FBXL7: variants seen among roughly 807,000 people sequenced by gnomAD.
The protein encoded by FBXL7 is F-box and leucine rich repeat protein 7, also known as F-box/LRR-repeat protein 7.
Under a neutral mutation model 38.3 loss-of-function variants are expected in FBXL7, and 12 were observed. The ratio of observed to expected loss-of-function variants is 0.31; its 90% confidence interval spans 0.20 to 0.51. FBXL7 has a LOEUF of 0.51. Among genes scored for constraint, FBXL7 ranks in the 20% least tolerant of loss-of-function variants. The pLI is 0.98. For synonymous variants in FBXL7, 297 were observed against 300.9 expected (o/e 0.99, Z 0.13); for missense variants, 567 against 676.4 (o/e 0.84, Z 1.79).
At chr5:15,828,499 T>C (rs1265436816) in intron 2 of FBXL7, among the ~76,000 whole-genome samples, 1 of 152,232 alleles carries the variant, frequency 6.6e-6, no homozygotes, top group Non-Finnish European at 1.5e-5. Context: ...AATATAGCTT[T>C]TAAAGGGTTG....
chr5:15,610,246 C>A (rs191340598), intron 1 of FBXL7, among the ~76,000 whole-genome samples: 48 of 152,230 alleles, frequency 3.2e-4, no homozygotes, highest in Admixed American at 2.0e-3. Context: ...AACACACCCT[C>A]TTTTTTCTCA....
chr5:15,835,619 T>C (rs554435301), intron 2 of FBXL7, among the ~76,000 whole-genome samples: 1 of 152,182 alleles, frequency 6.6e-6, no homozygotes, highest in East Asian at 1.9e-4. Flanking sequence ...GCCTGGAGAA[T>C]GTAAGTGACT....
intron 2 of FBXL7, among the ~76,000 whole-genome samples, chr5:15,882,171 C>T (rs576871500): frequency 6.6e-6 from 1 of 152,202 alleles, no homozygotes; most frequent in Non-Finnish European, 1.5e-5. Context: ...AACCAGGCCC[C>T]ACCTCCAACA....
chr5:15,620,130 A>G (rs1740579176), intron 2 of FBXL7, among the ~76,000 whole-genome samples: 1 of 152,164 alleles, frequency 6.6e-6, no homozygotes, highest in Admixed American at 6.5e-5. Flanking sequence ...ATTTAGTAAA[A>G]AGCATTGAAT....
chr5:15,523,968 G>A (rs1737179291), intron 1 of FBXL7, among the ~76,000 whole-genome samples: 1 of 152,200 alleles, frequency 6.6e-6, no homozygotes, highest in Admixed American at 6.5e-5. Flanking sequence ...TGCATATAGA[G>A]ATGTGATCTT....
chr5:15,840,331 A>G (rs1738708430), intron 2 of FBXL7, among the ~76,000 whole-genome samples: 2 of 152,200 alleles, frequency 1.3e-5, no homozygotes, highest in Admixed American at 6.5e-5. Context: ...GTAGTAAGTT[A>G]TGACACCTGT....
intron 2 of FBXL7, among the ~76,000 whole-genome samples, chr5:15,765,793 C>T (rs780327520): frequency 2.0e-5 from 3 of 152,072 alleles, no homozygotes; most frequent in Non-Finnish European, 2.9e-5. Flanking sequence ...GGATCACCTT[C>T]GGGTATCTCA....
chr5:15,548,423 A>T (rs1459053304), intron 1 of FBXL7, among the ~76,000 whole-genome samples: 1 of 152,224 alleles, frequency 6.6e-6, no homozygotes, highest in Non-Finnish European at 1.5e-5. Flanking sequence ...ACATTCATCA[A>T]ACACTTCATA....
At chr5:15,763,895 G>C (rs527974315) in intron 2 of FBXL7, among the ~76,000 whole-genome samples, 1 of 152,308 alleles carries the variant, frequency 6.6e-6, no homozygotes, top group East Asian at 1.9e-4. Context: ...AAGCTGCAGA[G>C]CCAGGAGCAC....
At chr5:15,603,579 T>C (rs1561046859) in intron 1 of FBXL7, among the ~76,000 whole-genome samples, 1 of 152,244 alleles carries the variant, frequency 6.6e-6, no homozygotes. Context: ...AATGAGGTCA[T>C]GGCTTATAGC....
At chr5:15,800,933 G>T (rs1446581314) in intron 2 of FBXL7, among the ~76,000 whole-genome samples, 1 of 152,172 alleles carries the variant, frequency 6.6e-6, no homozygotes, top group Non-Finnish European at 1.5e-5. Flanking sequence ...AGTTCTGCTT[G>T]TATTACACAC....
At chr5:15,688,995 G>C (rs1743099056) in intron 2 of FBXL7, among the ~76,000 whole-genome samples, 2 of 151,450 alleles carry the variant, frequency 1.3e-5, no homozygotes, top group African/African-American at 2.4e-5. Flanking sequence ...AACTACCAAA[G>C]ACAGAGCCAG....
intron 2 of FBXL7, among the ~76,000 whole-genome samples, chr5:15,843,843 T>C (rs984699001): frequency 6.6e-5 from 10 of 151,524 alleles, no homozygotes; most frequent in Admixed American, 5.9e-4. Flanking sequence ...AATATGTGTA[T>C]TAAGCTATAC....
intron 2 of FBXL7, among the ~76,000 whole-genome samples, chr5:15,669,512 T>A (rs1742397207): frequency 1.3e-5 from 2 of 152,278 alleles, no homozygotes; most frequent in South Asian, 4.1e-4. Context: ...TTAGGCTCTG[T>A]GACTCTTCAT....
intron 1 of FBXL7, among the ~76,000 whole-genome samples, chr5:15,590,663 A>T (rs112734907): frequency 6.6e-6 from 1 of 151,954 alleles, no homozygotes; most frequent in Non-Finnish European, 1.5e-5. Flanking sequence ...ATTGCCCCCA[A>T]TCAGGTCTGA....
rs766213544 is a variant in FBXL7 at position 15,937,125 on chromosome 5, G to A, written c.1415G>A (p.Arg472His). The change falls in exon 4 of 4, where the codon CGC becomes CAC. Residue 472 changes from arginine (R) to histidine (H), a missense_variant. Transcript: ENST00000504595. ...TGCGAGGTCTCCGTGGAGGCCCTGCGCTTTGTCAAACGCCACTGCAAGCGC... is the reference window on the plus strand; with the variant it reads ...TGCGAGGTCTCCGTGGAGGCCCTGCACTTTGTCAAACGCCACTGCAAGCGC... ...QDCEVSVEAL[R>H]FVKRHCKRCV... The A allele has an allele frequency of 3.1e-6, 5 of 1,611,780 alleles. No homozygotes were observed. Among genetic ancestry groups the A allele is most frequent in the Non-Finnish European group, 3.4e-6 (4 of 1,178,598 alleles).
At chr5:15,593,717 ATT>A (rs1739543688) in intron 1 of FBXL7, among the ~76,000 whole-genome samples, 1 of 152,080 alleles carries the variant, frequency 6.6e-6, no homozygotes, top group African/African-American at 2.4e-5. Flanking sequence ...TGTAACAAAT[ATT>A]TTTTATCCCT....
At chr5:15,812,831 T>G (rs1737903737) in intron 2 of FBXL7, among the ~76,000 whole-genome samples, 1 of 152,210 alleles carries the variant, frequency 6.6e-6, no homozygotes, top group African/African-American at 2.4e-5. Context: ...TAGTTCTCCT[T>G]GAAGAGGTCC....
intron 2 of FBXL7, among the ~76,000 whole-genome samples, chr5:15,777,491 C>G (rs1736884938): frequency 6.6e-6 from 1 of 151,822 alleles, no homozygotes; most frequent in African/African-American, 2.4e-5. Flanking sequence ...TGATGGAAAT[C>G]ACATTTAATT....
Sources: gnomAD v4.1 joint callset for allele counts (sites outside exome capture counted in the v4.1 genomes callset) on GRCh38, gnomAD v4.1.1 for gene constraint, MANE v1.5 for transcripts, NCBI Gene and HGNC (gene_info 2026-07-23, HGNC 2026-07-21) for gene names.